NTM: variants seen among roughly 807,000 people sequenced by gnomAD.
NTM encodes neurotrimin, also known as IgLON family member 2.
Under a neutral mutation model 42.1 loss-of-function variants are expected in NTM, and 13 were observed. That is an observed-to-expected ratio of 0.31 (90% CI 0.20 to 0.49). The LOEUF (loss-of-function observed/expected upper bound fraction) is 0.49, where lower values mean the gene tolerates loss of function less well. Ranked by LOEUF, NTM falls within the 20% of genes least tolerant of loss-of-function variation. The probability of loss-of-function intolerance (pLI) is 0.99; values close to 1 mark genes in which losing one functional copy is unlikely to be tolerated. For synonymous variants in NTM, 187 were observed against 179.2 expected, an observed-to-expected ratio of 1.04 and a Z score of -0.35; for missense variants, 373 against 452.8, an observed-to-expected ratio of 0.82 and a Z score of 1.60.
At chr11:131,731,258 T>C (rs1462272231) in intron 1 of NTM, among the ~76,000 whole-genome samples, 8 of 152,162 alleles carry the variant, frequency 5.3e-5, no homozygotes, top group Admixed American at 5.2e-4. Flanking sequence ...AAGCATTGTG[T>C]ACCTTCTCTT....
At chr11:131,384,638 T>C (rs1943089382) in intron 1 of NTM, among the ~76,000 whole-genome samples, 2 of 152,128 alleles carry the variant, frequency 1.3e-5, no homozygotes, top group African/African-American at 4.8e-5. Flanking sequence ...TGGTGATGGC[T>C]GGCCAGGTGA....
At chr11:131,375,094 AG>A (rs949177202) in intron 1 of NTM, among the ~76,000 whole-genome samples, 3 of 152,168 alleles carry the variant, frequency 2.0e-5, no homozygotes, top group African/African-American at 7.2e-5. Context: ...CCAGGTTTCA[AG>A]CCATTTCTAG....
intron 1 of NTM, among the ~76,000 whole-genome samples, chr11:131,603,050 T>G (rs545455019): frequency 2.0e-5 from 3 of 152,216 alleles, no homozygotes; most frequent in Non-Finnish European, 4.4e-5. Flanking sequence ...GCTCAATTAA[T>G]ATTCCATACA....
At chr11:132,059,407 A>G (rs2080250204) in intron 2 of NTM, among the ~76,000 whole-genome samples, 1 of 152,326 alleles carries the variant, frequency 6.6e-6, no homozygotes, top group Admixed American at 6.5e-5. Flanking sequence ...TCAGGTGTTT[A>G]CCTTTCCTCA....
chr11:131,866,822 AT>A (rs975020643), intron 1 of NTM, among the ~76,000 whole-genome samples: 3 of 152,056 alleles, frequency 2.0e-5, no homozygotes, highest in Admixed American at 6.5e-5. Flanking sequence ...CAATGTCGTG[AT>A]TTTTTTTGGC....
rs1591530224 is a variant in NTM at position 132,249,930 on chromosome 11, G to T, written c.526+37783G>T. On this transcript the variant is annotated intron_variant, in intron 4 of 8. Coordinates refer to ENST00000683400, the MANE Select transcript of NTM (RefSeq NM_001352005.2). ...AATTAACAATCTATTTTAAGATATT[G>T]TTTTAAATGATTTTCACTTATCACC... is the stretch of plus-strand genomic sequence containing the variant. Among the ~76,000 whole-genome samples the T allele has an allele frequency of 2.6e-5, 4 of 152,264 alleles. No individual in the cohort carries two copies. In the East Asian group the frequency reaches 7.7e-4, roughly 29 times the overall value.
chr11:131,658,807 T>C (rs2067560321), intron 1 of NTM, among the ~76,000 whole-genome samples: 1 of 151,978 alleles, frequency 6.6e-6, no homozygotes, highest in South Asian at 2.1e-4. Context: ...CTGTCTCTAA[T>C]AAAAATACAA....
chr11:132,216,201 A>G (rs1196545557), intron 4 of NTM, among the ~76,000 whole-genome samples: 1 of 152,242 alleles, frequency 6.6e-6, no homozygotes, highest in Admixed American at 6.5e-5. Context: ...GATCTCTTTC[A>G]ATATACTCCA....
At chr11:131,423,840 A>C (rs1947785341) in intron 1 of NTM, among the ~76,000 whole-genome samples, 2 of 152,184 alleles carry the variant, frequency 1.3e-5, no homozygotes, top group Admixed American at 1.3e-4. Context: ...CTTATCTAGG[A>C]AGGGAACTGT....
In NTM at chr11:131,599,414, A is replaced by G. The variant is rs2512883; in HGVS notation, c.82+228526A>G. Among the ~76,000 whole-genome samples the G allele has an allele frequency of 2.3e-3, 125 of 54,642 alleles. 27 individuals carry two copies. Among genetic ancestry groups the G allele is most frequent in the African/African-American group, 3.8e-3 (113 of 29,848 alleles). The allele number at this position is 54,642 out of a possible 152,430, so 35.8% of individuals were successfully genotyped here. ...TAGTCACATGGCCCTGTATAACCCT[A>G]TATAACCTCAAGGGGACGGAAGGGA... On this transcript the variant is annotated intron_variant, in intron 1 of 8. Transcript: ENST00000683400.
At chr11:131,556,870 G>A (rs893436827) in intron 1 of NTM, among the ~76,000 whole-genome samples, 3 of 152,078 alleles carry the variant, frequency 2.0e-5, no homozygotes, top group African/African-American at 7.2e-5. Flanking sequence ...CCAGCCTTGG[G>A]AATTTTTATA....
chr11:131,825,782 A>G (rs1849467868), intron 1 of NTM, among the ~76,000 whole-genome samples: 3 of 152,292 alleles, frequency 2.0e-5, no homozygotes, highest in South Asian at 4.1e-4. Context: ...CAGGATGACA[A>G]CTGGATGGAA....
chr11:131,978,327 A>G (rs2064720126), intron 2 of NTM, among the ~76,000 whole-genome samples: 1 of 152,208 alleles, frequency 6.6e-6, no homozygotes. Context: ...TTTCTTTAAA[A>G]CAGTAATAGA....
intron 1 of NTM, among the ~76,000 whole-genome samples, chr11:131,695,496 A>C (rs748986760): frequency 6.6e-6 from 1 of 152,240 alleles, no homozygotes; most frequent in Non-Finnish European, 1.5e-5. Flanking sequence ...CAGAGAAGTT[A>C]CATGATTTTC....
intron 2 of NTM, among the ~76,000 whole-genome samples, chr11:132,100,419 C>T (rs7118465): frequency 0.66 from 100,162 of 152,048 alleles, 33,519 homozygotes; most frequent in Non-Finnish European, 0.69. Context: ...GACACATAGG[C>T]CCAAAGAGGA....
chr11:131,879,595 A>C (rs529990641), intron 1 of NTM, among the ~76,000 whole-genome samples: 1 of 152,352 alleles, frequency 6.6e-6, no homozygotes, highest in African/African-American at 2.4e-5. Context: ...TTGTAGCACT[A>C]TAATGTCTTG....
intron 2 of NTM, among the ~76,000 whole-genome samples, chr11:131,971,347 T>C (rs1217332389): frequency 2.0e-5 from 3 of 152,338 alleles, no homozygotes; most frequent in African/African-American, 7.2e-5. Context: ...TTGTGTGCTT[T>C]CTCGGCTTTT....
intron 7 of NTM, among the ~76,000 whole-genome samples, chr11:132,320,979 G>T (rs1376219109): frequency 1.3e-5 from 2 of 150,510 alleles, no homozygotes; most frequent in Non-Finnish European, 2.9e-5. Context: ...TCTGTTAGAA[G>T]GAAAACTAAC....
chr11:132,080,204 A>G lies in NTM; in HGVS notation c.168-66078A>G, dbSNP rs574734185. The stretch of plus-strand genomic sequence containing the variant: ...GAAAGAATGCTGAAAAAAAAAATCA[A>G]TGCCCCCTGGCCCTCCCATTGAGTA... On this transcript the variant is annotated intron_variant, in intron 2 of 8. Coordinates refer to ENST00000683400, the MANE Select transcript of NTM (RefSeq NM_001352005.2). Among the ~76,000 whole-genome samples, 17 of 152,044 alleles carry G rather than the reference A, an allele frequency of 1.1e-4. No homozygotes were observed. The East Asian group carries it at 1.5e-3, about 14-fold the overall frequency.
Sources: gnomAD v4.1 joint callset for allele counts (sites outside exome capture counted in the v4.1 genomes callset) on GRCh38, gnomAD v4.1.1 for gene constraint, MANE v1.5 for transcripts, NCBI Gene and HGNC (gene_info 2026-07-23, HGNC 2026-07-21) for gene names.